The following CBFB variants were observed in gnomAD, a reference collection of about 807,000 sequenced individuals.
CBFB encodes core-binding factor subunit beta, also known as CBF-beta.
In CBFB, 9 loss-of-function variants were observed where a neutral mutation model predicts 30.4. That is an observed-to-expected ratio of 0.30 (90% CI 0.18 to 0.52). The LOEUF (loss-of-function observed/expected upper bound fraction) is 0.52, where lower values mean the gene tolerates loss of function less well. Ranked by LOEUF, CBFB falls within the 20% of genes least tolerant of loss-of-function variation. The pLI, the probability that CBFB is intolerant of heterozygous loss-of-function variation, is 0.97. For missense variants in CBFB, 170 were observed against 244.0 expected, an observed-to-expected ratio of 0.70 and a Z score of 2.02; for synonymous variants, 94 against 84.0, an observed-to-expected ratio of 1.12 and a Z score of -0.65.
At chr16:67,031,699 G>C (rs964264887) in intron 2 of CBFB, among the ~76,000 whole-genome samples, 2 of 152,020 alleles carry the variant, frequency 1.3e-5, no homozygotes, top group Admixed American at 1.3e-4. Context: ...TTTTAGTAGA[G>C]ACGGGGTTTC....
chr16:67,029,611 C>G (rs894402310), intron 1 of CBFB, 116 bp from the exon 2 acceptor site: 11 of 1,312,266 alleles, frequency 8.4e-6, no homozygotes, highest in African/African-American at 3.1e-5. Flanking sequence ...GCAATCTCGC[C>G]GGGGCGGCCA....
chr16:67,069,459 C>G (rs1171900054), intron 4 of CBFB, among the ~76,000 whole-genome samples: 1 of 151,560 alleles, frequency 6.6e-6, no homozygotes, highest in African/African-American at 2.4e-5. Context: ...GACATATGAA[C>G]AAGAAAAATT....
chr16:67,099,575 C>G lies in CBFB; in HGVS notation c.*797C>G, dbSNP rs1962158946. 4.9e-6 allele frequency: 1 copy of G among 202,346 alleles called. No homozygotes were observed. The highest frequency in any genetic ancestry group is 1.9e-4 in the South Asian group (1 of 5,254). 12.5% of individuals were successfully genotyped at this position (202,346 alleles called of 1,614,324 possible). On this transcript the variant is annotated 3_prime_UTR_variant, in exon 6 of 6. Transcript: ENST00000412916. Reference sequence around the variant, plus strand: ...TAAAAGTTTTAAATTGGTATTAACTCTGTACTCTGCCCTAGATTGTTTTAG... The same window carrying G: ...TAAAAGTTTTAAATTGGTATTAACTGTGTACTCTGCCCTAGATTGTTTTAG...
At chr16:67,085,241 C>G (rs1195221388) in intron 5 of CBFB, among the ~76,000 whole-genome samples, 3 of 150,076 alleles carry the variant, frequency 2.0e-5, no homozygotes, top group African/African-American at 7.4e-5. Context: ...ACAATGTCGG[C>G]TCACCGCAAC....
chr16:67,078,864 C>G (rs577746133), intron 4 of CBFB, among the ~76,000 whole-genome samples: 5 of 152,190 alleles, frequency 3.3e-5, no homozygotes, highest in African/African-American at 4.8e-5. Flanking sequence ...CCATGTTGGC[C>G]AGGGCTGGTC....
At chr16:67,049,161 G>A (rs1966691654) in intron 3 of CBFB, among the ~76,000 whole-genome samples, 1 of 150,656 alleles carries the variant, frequency 6.6e-6, no homozygotes, top group Non-Finnish European at 1.5e-5. Flanking sequence ...TCACCATTAT[G>A]TAATTTGTGA....
At chr16:67,091,501 C>T (rs1435549747) in intron 5 of CBFB, among the ~76,000 whole-genome samples, 2 of 152,196 alleles carry the variant, frequency 1.3e-5, no homozygotes, top group African/African-American at 2.4e-5. Flanking sequence ...GGATAAGAAA[C>T]TTGCCTAAGG....
chr16:67,055,565 C>T (rs1030974332), intron 3 of CBFB, among the ~76,000 whole-genome samples: 2 of 151,866 alleles, frequency 1.3e-5, no homozygotes, highest in Admixed American at 1.3e-4. Context: ...ACTGTGTTAG[C>T]CATGATGGTC....
intron 4 of CBFB, among the ~76,000 whole-genome samples, chr16:67,081,506 G>A (rs1023336605): frequency 6.6e-6 from 1 of 151,844 alleles, no homozygotes; most frequent in Non-Finnish European, 1.5e-5. Context: ...GTTTGTTTCT[G>A]TCGGAATAAA....
intron 3 of CBFB, among the ~76,000 whole-genome samples, chr16:67,041,518 C>A (rs1259002556): frequency 1.3e-5 from 2 of 152,076 alleles, no homozygotes; most frequent in Admixed American, 1.3e-4. Context: ...AGGAGAATTG[C>A]TTGAACCCGG....
chr16:67,079,046 T>C (rs531247617), intron 4 of CBFB, among the ~76,000 whole-genome samples: 2 of 152,310 alleles, frequency 1.3e-5, no homozygotes, highest in South Asian at 4.1e-4. Context: ...CAGCATTCTT[T>C]TGCGGCTACC....
At chr16:67,057,230 G>A (rs1960755599) in intron 3 of CBFB, among the ~76,000 whole-genome samples, 1 of 149,950 alleles carries the variant, frequency 6.7e-6, no homozygotes, top group Non-Finnish European at 1.5e-5. Context: ...TGATTTGCCT[G>A]CCTTGGCCTC....
chr16:67,075,026 T>TA (rs1961347483), intron 4 of CBFB, among the ~76,000 whole-genome samples: 1 of 151,752 alleles, frequency 6.6e-6, no homozygotes, highest in South Asian at 2.1e-4. Context: ...CCATCTCTAC[T>TA]AAAAAATACA....
intron 5 of CBFB, among the ~76,000 whole-genome samples, chr16:67,084,115 A>G (rs1360050811): frequency 1.5e-5 from 2 of 135,506 alleles, no homozygotes; most frequent in Non-Finnish European, 3.1e-5. Flanking sequence ...TGCAGGAGCT[A>G]TGATCGTGCC....
At chr16:67,063,470 C>T (rs1350495207) in intron 3 of CBFB, among the ~76,000 whole-genome samples, 1 of 151,212 alleles carries the variant, frequency 6.6e-6, no homozygotes, top group Non-Finnish European at 1.5e-5. Flanking sequence ...GAGACAGAGT[C>T]TTGCTCAGTC....
At chr16:67,083,196 A>AATAT (rs1487509963) in intron 5 of CBFB, among the ~76,000 whole-genome samples, 1 of 152,140 alleles carries the variant, frequency 6.6e-6, no homozygotes, top group Non-Finnish European at 1.5e-5. Context: ...TAAATAAATA[A>AATAT]TACATAAATA....
intron 5 of CBFB, among the ~76,000 whole-genome samples, chr16:67,087,172 A>T (rs1293911236): frequency 2.0e-5 from 3 of 152,174 alleles, no homozygotes; most frequent in African/African-American, 7.2e-5. Context: ...GCTACATTAT[A>T]TTTGGAGATT....
intron 4 of CBFB, among the ~76,000 whole-genome samples, chr16:67,073,761 C>T (rs1961305657): frequency 6.9e-6 from 1 of 144,600 alleles, no homozygotes; most frequent in Non-Finnish European, 1.5e-5. Context: ...CGAGGCCGGG[C>T]GCAGTGGCTT....
intron 5 of CBFB, among the ~76,000 whole-genome samples, chr16:67,084,165 C>CAAAAAAAAAAAA (rs368748767): frequency 1.8e-5 from 1 of 54,328 alleles, no homozygotes; most frequent in African/African-American, 7.4e-5. Flanking sequence ...GACCCTACCT[C>CAAAAAAAAAAAA]AAAAAAAAAA....
Sources: allele counts gnomAD v4.1 joint callset (sites outside exome capture counted in the v4.1 genomes callset), GRCh38; gene constraint gnomAD v4.1.1; transcripts MANE v1.5; gene names NCBI Gene and HGNC (gene_info 2026-07-23, HGNC 2026-07-21).